The following PLEKHD1 variants were observed in gnomAD, a reference collection of about 807,000 sequenced individuals.
The protein encoded by PLEKHD1 is pleckstrin homology and coiled-coil domain containing D1, also known as pleckstrin homology domain-containing family D member 1.
A neutral mutation model predicts 69.2 loss-of-function variants in PLEKHD1; 51 were observed. The observed-to-expected ratio is 0.74, with a 90% confidence interval of 0.59 to 0.93. PLEKHD1 has a LOEUF of 0.93. Ranked by LOEUF, PLEKHD1 falls within the 40% of genes least tolerant of loss-of-function variation. PLEKHD1 has a pLI of 0.00. For missense variants in PLEKHD1, 584 were observed against 641.0 expected (o/e 0.91, Z 0.96); for synonymous variants, 236 against 244.7 (o/e 0.96, Z 0.33).
chr14:69,484,900 C>T lies in PLEKHD1; in HGVS notation c.-66C>T. 1.3e-6 allele frequency: 2 copies of T among 1,519,856 alleles called. No homozygotes were observed. The highest frequency in any genetic ancestry group is 8.9e-7 in the Non-Finnish European group (1 of 1,127,628). The allele number at this position is 1,519,856 out of a possible 1,614,324, so 94.1% of individuals were successfully genotyped here. ...CTCCGACGGCTCCGCCCTCGCCTCT[C>T]GCCCCGAGTCCCTGCTGACCCCGGG... On this transcript the variant is annotated 5_prime_UTR_variant, in exon 1 of 13. Transcript: ENST00000322564.
At chr14:69,523,927 G>A (rs147008794) in intron 7 of PLEKHD1, among the ~76,000 whole-genome samples, 1 of 152,312 alleles carries the variant, frequency 6.6e-6, no homozygotes, top group East Asian at 1.9e-4. Flanking sequence ...GACAGGGTGA[G>A]GCTGGGGCCC....
intron 6 of PLEKHD1, among the ~76,000 whole-genome samples, chr14:69,512,118 T>C (rs1178640750): frequency 2.0e-5 from 3 of 152,232 alleles, no homozygotes; most frequent in Admixed American, 6.5e-5. Flanking sequence ...TGTGTAAGTT[T>C]TGACAGATTG....
rs1883052152 is a variant in PLEKHD1 at position 69,502,497 on chromosome 14, C to T, written c.503-330C>T. 6 of 354,282 alleles carry T rather than the reference C, an allele frequency of 1.7e-5. No individual in the cohort carries two copies. The South Asian group carries it at 1.7e-4, about 10-fold the overall frequency. 21.9% of individuals were successfully genotyped at this position (354,282 alleles called of 1,614,324 possible). On this transcript the variant is annotated intron_variant, in intron 5 of 12. Coordinates refer to ENST00000322564, the MANE Select transcript of PLEKHD1 (RefSeq NM_001161498.2). Reference sequence around the variant, plus strand: ...TTCAGAACTTCCTAGGTTCTGCCCTCCTTACTAGCCAGACATTAGTGCAGG... The same window carrying T: ...TTCAGAACTTCCTAGGTTCTGCCCTTCTTACTAGCCAGACATTAGTGCAGG...
At chr14:69,522,200 G>A (rs1261884462) in intron 6 of PLEKHD1, 83 bp from the exon 7 acceptor site, 3 of 1,275,082 alleles carry the variant, frequency 2.4e-6, no homozygotes, top group East Asian at 5.1e-5. Context: ...ATCCCAGAGG[G>A]TCCCTTGGGA....
intron 6 of PLEKHD1, chr14:69,503,084 C>T: frequency 1.7e-6 from 1 of 584,918 alleles, no homozygotes; most frequent in Non-Finnish European, 3.0e-6. Flanking sequence ...CTTACCAACC[C>T]CTGGGAGTAA....
intron 4 of PLEKHD1, 58 bp downstream of exon 4, chr14:69,501,005 G>T: frequency 6.7e-7 from 1 of 1,486,550 alleles, no homozygotes. Context: ...GGGCGGGGCT[G>T]CCCCTGAACT....
chr14:69,485,136 A>C (rs1287698817), intron 1 of PLEKHD1, 22 bp downstream of exon 1: 2 of 1,543,480 alleles, frequency 1.3e-6, no homozygotes, highest in Non-Finnish European at 1.7e-6. Context: ...CCCGCGCCCC[A>C]AGGAGACCGC....
At chr14:69,521,163 C>T (rs1338188653) in intron 6 of PLEKHD1, among the ~76,000 whole-genome samples, 14 of 152,062 alleles carry the variant, frequency 9.2e-5, no homozygotes, top group Non-Finnish European at 1.8e-4. Context: ...ATAATAATAC[C>T]AGTGAGCAGT....
chr14:69,525,507 G>A (rs961918607), intron 8 of PLEKHD1, among the ~76,000 whole-genome samples: 70 of 152,248 alleles, frequency 4.6e-4, no homozygotes, highest in African/African-American at 1.6e-3. Context: ...TTTGGGGACA[G>A]GTTCTAGCTG....
chr14:69,505,659 T>A (rs1385959714), intron 6 of PLEKHD1, among the ~76,000 whole-genome samples: 1 of 152,198 alleles, frequency 6.6e-6, no homozygotes, highest in East Asian at 1.9e-4. Context: ...GGCTGCTGCG[T>A]ACTTCTAGGG....
upstream of PLEKHD1, among the ~76,000 whole-genome samples, chr14:69,479,844 G>A (rs1252610040): frequency 2.0e-5 from 3 of 152,004 alleles, no homozygotes; most frequent in East Asian, 1.9e-4. Flanking sequence ...TTTCACATAC[G>A]TTCCCAACCC....
upstream of PLEKHD1, among the ~76,000 whole-genome samples, chr14:69,484,482 G>A (rs903200981): frequency 3.3e-5 from 5 of 152,128 alleles, no homozygotes; most frequent in African/African-American, 1.2e-4. Flanking sequence ...GCGCGGGGCG[G>A]GGACGGGGAC....
At chr14:69,524,386 T>A in intron 8 of PLEKHD1, 64 bp downstream of exon 8, 1 of 1,373,460 alleles carries the variant, frequency 7.3e-7, no homozygotes. Context: ...CACATGACAC[T>A]GTTTTTTCCA....
chr14:69,489,397 A>G (rs1882723224), intron 1 of PLEKHD1, among the ~76,000 whole-genome samples: 1 of 151,938 alleles, frequency 6.6e-6, no homozygotes, highest in African/African-American at 2.4e-5. Context: ...TGTCTCTACT[A>G]AAAATACAAA....
rs144273381 is a variant in PLEKHD1, at chr14:69,497,769, G to A, written c.150-2346G>A. Among the ~76,000 whole-genome samples, 621 of 152,356 alleles carry A rather than the reference G, an allele frequency of 4.1e-3. 1 individual carries two copies. Among genetic ancestry groups the A allele is most frequent in the Non-Finnish European group, 6.3e-3 (426 of 68,032 alleles). ...AGGTTCTGCAGCAGGTGGTATTCAT[G>A]TGCTGTTTCCGCAGTGGGGGCAGAA... On this transcript the variant is annotated intron_variant, in intron 1 of 12. Coordinates refer to ENST00000322564, the MANE Select transcript of PLEKHD1 (RefSeq NM_001161498.2).
chr14:69,521,592 C>T (rs1262535739), intron 6 of PLEKHD1, among the ~76,000 whole-genome samples: 1 of 152,126 alleles, frequency 6.6e-6, no homozygotes, highest in African/African-American at 2.4e-5. Context: ...TGAAATGTGC[C>T]CCCCAATGCC....
rs181278941 is a variant in PLEKHD1, at chr14:69,515,382, A to G, written c.556-6901A>G. ...AACTCTTCAAACTGAACCTCCAGCA[A>G]TTTGTCAATTGCAGTTCAGGTTTTC... On this transcript the variant is annotated intron_variant, in intron 6 of 12. Transcript: ENST00000322564. Among the ~76,000 whole-genome samples the G allele has an allele frequency of 7.9e-5, 12 of 152,022 alleles. No homozygotes were observed. The East Asian group carries it at 2.3e-3, about 29-fold the overall frequency.
intron 8 of PLEKHD1, among the ~76,000 whole-genome samples, 196 bp from the exon 9 acceptor site, chr14:69,525,748 T>C (rs1351134838): frequency 6.6e-6 from 1 of 152,186 alleles, no homozygotes; most frequent in Non-Finnish European, 1.5e-5. Flanking sequence ...TTTATGACTC[T>C]TGATGGAGGA....
rs1336406234 is a variant in PLEKHD1 at position 69,526,754 on chromosome 14, C to T, written c.981C>T (p.Ser327=). ...RALEEEREFY[S]SQSQALQNSL... is the part of the protein sequence containing the mutation. ...TGGAGGAGGAGCGTGAGTTCTACTC[C>T]AGCCAGTCCCAGGCACTGCAGAACT... is the stretch of plus-strand genomic sequence containing the variant. The change falls in exon 10 of 13, where the codon TCC becomes TCT. Residue 327 remains serine, a synonymous_variant. Coordinates refer to ENST00000322564, the MANE Select transcript of PLEKHD1 (RefSeq NM_001161498.2). 3.9e-6 allele frequency: 6 copies of T among 1,549,922 alleles called. No homozygotes were observed. Among genetic ancestry groups the T allele is most frequent in the Non-Finnish European group, 4.4e-6 (5 of 1,146,240 alleles).
Sources: allele counts gnomAD v4.1 joint callset (sites outside exome capture counted in the v4.1 genomes callset), GRCh38; gene constraint gnomAD v4.1.1; transcripts MANE v1.5; gene names NCBI Gene and HGNC (gene_info 2026-07-23, HGNC 2026-07-21).